ST7: variants seen among roughly 807,000 people sequenced by gnomAD.
ST7 encodes the protein suppression of tumorigenicity 7, also known as suppressor of tumorigenicity 7 protein.
Under a neutral mutation model 78.7 loss-of-function variants are expected in ST7, and 28 were observed. The observed-to-expected ratio is 0.36, with a 90% CI of 0.26 to 0.49. The LOEUF (loss-of-function observed/expected upper bound fraction) is 0.49. Among genes scored for constraint, ST7 ranks in the 20% least tolerant of loss-of-function variants. The pLI is 0.99. For missense variants in ST7, 418 were observed against 696.0 expected, an observed-to-expected ratio of 0.60 and a Z score of 4.49; for synonymous variants, 247 against 249.6, an observed-to-expected ratio of 0.99 and a Z score of 0.10.
At chr7:117,079,394 G>C (rs531821524) in intron 1 of ST7, among the ~76,000 whole-genome samples, 20 of 152,242 alleles carry the variant, frequency 1.3e-4, no homozygotes, top group Non-Finnish European at 2.6e-4. Flanking sequence ...ATTTCATACA[G>C]GATTTTGTGA....
chr7:116,983,469 C>T (rs1482591515), intron 1 of ST7, among the ~76,000 whole-genome samples: 1 of 152,138 alleles, frequency 6.6e-6, no homozygotes, highest in Non-Finnish European at 1.5e-5. Flanking sequence ...GCTGAGCATC[C>T]TCCTCAGAGG....
intron 1 of ST7, chr7:116,972,226 C>G (rs1793462678): frequency 1.9e-6 from 1 of 535,008 alleles, no homozygotes; most frequent in Non-Finnish European, 3.6e-6. Flanking sequence ...GAGGCGCTGT[C>G]CTTTGGTGCA....
intron 1 of ST7, among the ~76,000 whole-genome samples, chr7:116,980,490 G>T (rs921134106): frequency 7.2e-5 from 11 of 152,088 alleles, no homozygotes; most frequent in Non-Finnish European, 1.2e-4. Context: ...ATGCTTGATG[G>T]TGCATCCTGG....
chr7:117,069,637 C>A (rs1346016691), intron 1 of ST7, among the ~76,000 whole-genome samples: 2 of 152,196 alleles, frequency 1.3e-5, no homozygotes, highest in Non-Finnish European at 2.9e-5. Flanking sequence ...CTTGTTACTT[C>A]TGTGGAGACT....
intron 9 of ST7, among the ~76,000 whole-genome samples, chr7:117,139,637 T>G (rs1369732848): frequency 6.6e-6 from 1 of 152,172 alleles, no homozygotes; most frequent in Non-Finnish European, 1.5e-5. Flanking sequence ...GGCAACAGTG[T>G]AGCCCCCAAA....
intron 13 of ST7, among the ~76,000 whole-genome samples, chr7:117,212,850 AT>A (rs759109831): frequency 1.2e-4 from 19 of 152,204 alleles, no homozygotes; most frequent in Non-Finnish European, 2.6e-4. Context: ...ATATCATGCA[AT>A]TTAGAAGAAA....
chr7:117,123,467 G>T (rs1803575543), intron 3 of ST7, among the ~76,000 whole-genome samples: 1 of 152,114 alleles, frequency 6.6e-6, no homozygotes, highest in South Asian at 2.1e-4. Flanking sequence ...GCGGGCCAGT[G>T]GAGAAATGTA....
chr7:117,008,822 G>C (rs1489177313), intron 1 of ST7, among the ~76,000 whole-genome samples: 2 of 152,102 alleles, frequency 1.3e-5, no homozygotes, highest in African/African-American at 4.8e-5. Flanking sequence ...TGTTGAACAG[G>C]GTTTGGCAAA....
intron 1 of ST7, among the ~76,000 whole-genome samples, chr7:117,013,475 G>A (rs549428016): frequency 6.6e-6 from 1 of 152,186 alleles, no homozygotes; most frequent in Non-Finnish European, 1.5e-5. Flanking sequence ...TCTGCTTATG[G>A]TAAGGAAGCA....
intron 1 of ST7, among the ~76,000 whole-genome samples, chr7:117,068,804 G>A (rs1798770400): frequency 6.6e-6 from 1 of 152,222 alleles, no homozygotes; most frequent in Admixed American, 6.5e-5. Flanking sequence ...CTCATTCTCT[G>A]TGTATTTAAT....
intron 1 of ST7, among the ~76,000 whole-genome samples, chr7:117,009,890 G>A (rs774789401): frequency 2.2e-4 from 34 of 152,120 alleles, no homozygotes; most frequent in Non-Finnish European, 4.6e-4. Context: ...CCATGTAAGA[G>A]ATCTGTGCTT....
chr7:117,161,315 A>G (rs892088915), intron 9 of ST7, among the ~76,000 whole-genome samples: 2 of 152,174 alleles, frequency 1.3e-5, no homozygotes, highest in Non-Finnish European at 2.9e-5. Flanking sequence ...AAATATAAAA[A>G]TGTATGCAGA....
chr7:117,053,772 G>A (rs563970172), intron 1 of ST7, among the ~76,000 whole-genome samples: 168 of 152,108 alleles, frequency 1.1e-3, no homozygotes, highest in Non-Finnish European at 1.9e-3. Context: ...GGAAGATAGA[G>A]AGTTATGTAT....
At chr7:117,196,982 T>C (rs1177296540) in intron 12 of ST7, among the ~76,000 whole-genome samples, 1 of 152,100 alleles carries the variant, frequency 6.6e-6, no homozygotes, top group African/African-American at 2.4e-5. Context: ...AAGATAAGAG[T>C]TCAATTTCAT....
At chr7:117,085,970 AT>A (rs1308932611) in intron 1 of ST7, among the ~76,000 whole-genome samples, 1 of 152,124 alleles carries the variant, frequency 6.6e-6, no homozygotes, top group Non-Finnish European at 1.5e-5. Flanking sequence ...TAGACATAGA[AT>A]TTTAAGCCTA....
At chr7:116,993,597 G>C (rs1422190060) in intron 1 of ST7, among the ~76,000 whole-genome samples, 1 of 152,224 alleles carries the variant, frequency 6.6e-6, no homozygotes, top group Non-Finnish European at 1.5e-5. Flanking sequence ...CACTAATAGA[G>C]CTCCTTGAGA....
intron 9 of ST7, among the ~76,000 whole-genome samples, chr7:117,152,859 T>C (rs570961257): frequency 2.0e-5 from 3 of 152,178 alleles, no homozygotes; most frequent in African/African-American, 7.2e-5. Context: ...TGCTTCAGAG[T>C]ACAACACATG....
intron 3 of ST7, among the ~76,000 whole-genome samples, chr7:117,127,595 G>T (rs1024752439): frequency 1.3e-5 from 2 of 151,810 alleles, no homozygotes; most frequent in East Asian, 3.9e-4. Context: ...TTCTCACTTA[G>T]AACAGTTTAC....
intron 1 of ST7, among the ~76,000 whole-genome samples, chr7:117,084,485 T>C (rs1403689686): frequency 6.6e-6 from 1 of 152,154 alleles, no homozygotes; most frequent in Non-Finnish European, 1.5e-5. Context: ...AAGAAGCCCT[T>C]AGAACAATGG....
Sources: gnomAD v4.1 joint callset for allele counts (sites outside exome capture counted in the v4.1 genomes callset) on GRCh38, gnomAD v4.1.1 for gene constraint, MANE v1.5 for transcripts, NCBI Gene and HGNC (gene_info 2026-07-23, HGNC 2026-07-21) for gene names.